Variants in CILP2 observed in about 807,000 individuals in gnomAD.
CILP2 encodes the protein CILP-2.
CILP2 carries 38 observed loss-of-function variants against 45.6 expected under a neutral mutation model. The ratio of observed to expected loss-of-function variants is 0.83; its 90% confidence interval spans 0.64 to 1.09. CILP2 has a LOEUF of 1.09. CILP2 is among the 50% of genes least tolerant of loss of function. The probability of loss-of-function intolerance (pLI) is 0.00; values close to 1 mark genes in which losing one functional copy is unlikely to be tolerated. For missense variants in CILP2, 1,735 were observed against 1,662.2 expected (o/e 1.04, Z -0.76); for synonymous variants, 780 against 723.5 (o/e 1.08, Z -1.25).
In CILP2 at chr19:19,544,357, G is replaced by A. The variant is rs368595474; in HGVS notation, c.1812G>A (p.Glu604=). The A allele has an allele frequency of 4.5e-5, 72 of 1,610,336 alleles. No individual in the cohort carries two copies. Among genetic ancestry groups the A allele is most frequent in the Middle Eastern group, 3.3e-4 (2 of 6,080 alleles). Residue 604 remains glutamate (E), a synonymous_variant, in exon 8 of 8, where the codon GAG becomes GAA. Coordinates refer to ENST00000291495, the MANE Select transcript of CILP2 (RefSeq NM_153221.2). ...GCAAACCCTACTCGGGGCCTGTGGA[G>A]GCCCGGGTGACGTTCGTGGACCCCC... The part of the protein sequence containing the change: ...ADGKPYSGPV[E]ARVTFVDPRD...
chr19:19,545,873 G>A lies in CILP2; in HGVS notation c.3328G>A (p.Gly1110Arg), dbSNP rs2061263831. The A allele has an allele frequency of 5.7e-6, 9 of 1,587,624 alleles. No individual in the cohort carries two copies. The highest frequency in any genetic ancestry group is 4.5e-5 in the East Asian group (2 of 44,194). The change falls in exon 8 of 8, where the codon GGA (glycine) becomes AGA (arginine). Residue 1110 changes from glycine to arginine, a missense_variant. Transcript: ENST00000291495. ...VTFQCREPPA[G>R]RPSLFQRLLE... Reference sequence around the variant, plus strand: ...CTTCCAGTGCCGGGAGCCACCGGCCGGACGACCCAGCCTCTTCCAGAGGCT... The same window carrying A: ...CTTCCAGTGCCGGGAGCCACCGGCCAGACGACCCAGCCTCTTCCAGAGGCT...
intron 6 of CILP2, 59 bp from the exon 7 acceptor site, chr19:19,543,189 A>T: frequency 6.5e-7 from 1 of 1,540,022 alleles, no homozygotes; most frequent in Non-Finnish European, 8.9e-7. Flanking sequence ...CAGCCTGCAG[A>T]CTGGGGGCAA....
At position 19,541,028 on chromosome 19, in the gene CILP2, G is replaced by T. The variant is rs1380721909; in HGVS notation, c.437-63G>T. On this transcript the variant is annotated intron_variant, in intron 3 of 7. Coordinates refer to ENST00000291495, the MANE Select transcript of CILP2 (RefSeq NM_153221.2). ...GGGAAGAAGGGTCCTTTAGTCCCAG[G>T]TTACCCGGAGGCGCAGTTCCTGGGG... 4 of 1,230,584 alleles carry T rather than the reference G, an allele frequency of 3.3e-6. No homozygotes were observed. The African/African-American group carries it at 6.2e-5, about 19-fold the overall frequency. The allele number at this position is 1,230,584 out of a possible 1,614,324, so 76.2% of individuals were successfully genotyped here. A position where few individuals can be genotyped will look rare whatever the true frequency, so the allele number is the denominator to read the frequency against.
At position 19,545,907 on chromosome 19, in the gene CILP2, C is replaced by A. The variant is rs764376417; in HGVS notation, c.3362C>A (p.Ser1121Tyr). ...AGCCTCTTCCAGAGGCTGCTGGAGT[C>A]CCCGGCGACAGCACTTGGTGACATC... ...RPSLFQRLLESPATALGDIRR... is the reference protein window; with the variant it reads ...RPSLFQRLLEYPATALGDIRR... The change falls in exon 8 of 8, where the codon TCC becomes TAC. Residue 1121 changes from serine (S) to tyrosine (Y), a missense_variant. Physicochemically the swap from Ser to Tyr is moderately radical, Grantham distance 144. Transcript: ENST00000291495. 17 of 1,581,538 alleles carry A rather than the reference C, an allele frequency of 1.1e-5. No homozygotes were observed. In the South Asian group the frequency reaches 1.8e-4, roughly 17 times the overall value.
rs756830121 is a variant in CILP2 at position 19,544,795 on chromosome 19, C to G, written c.2250C>G (p.Thr750=). 6.2e-7 allele frequency: 1 copy of G among 1,605,744 alleles called. No individual in the cohort carries two copies. The highest frequency in any genetic ancestry group is 1.7e-5 in the Admixed American group (1 of 59,982). ...GCGCCTACGCCAACGACAAGTTCAC[C>G]CCCAGCGAGCAGGTGGAGGGCGTGG... ...KVRAYANDKF[T]PSEQVEGVVV... The change falls in exon 8 of 8, where the codon ACC becomes ACG. Residue 750 remains threonine, a synonymous_variant. Transcript: ENST00000291495.
chr19:19,545,271 A>G lies in CILP2; in HGVS notation c.2726A>G (p.Tyr909Cys). ...AGGGTGGAGGCGGACAAGTACGAGT[A>G]CAACGTGGTCCCCTTCCGAGAGGGC... Reference protein sequence around the residue: ...FARVEADKYEYNVVPFREGTP... With the variant: ...FARVEADKYECNVVPFREGTP... Residue 909 changes from tyrosine to cysteine, a missense_variant, in exon 8 of 8, where the codon TAC becomes TGC. By Grantham distance (194) the Tyr-to-Cys change is radical (BLOSUM62 -2). Transcript: ENST00000291495. 6.2e-7 allele frequency: 1 copy of G among 1,612,904 alleles called. No homozygotes were observed. The highest frequency in any genetic ancestry group is 8.5e-7 in the Non-Finnish European group (1 of 1,179,906).
intron 2 of CILP2, 113 bp downstream of exon 2, chr19:19,539,890 C>T (rs1186698262): frequency 4.7e-6 from 4 of 857,118 alleles, no homozygotes; most frequent in East Asian, 6.2e-5. Flanking sequence ...GGCCCGGCGC[C>T]GTCCTGGTCC....
chr19:19,545,773 C>T lies in CILP2; in HGVS notation c.3228C>T (p.Ala1076=), dbSNP rs1232534516. The change falls in exon 8 of 8, where the codon GCC becomes GCT. Residue 1076 remains alanine (A), a synonymous_variant. Coordinates refer to ENST00000291495, the MANE Select transcript of CILP2 (RefSeq NM_153221.2). The part of the protein sequence containing the change: ...DQSPRLAKEI[A]IGRCFDGSSD... ...GCCCACGCTTGGCCAAGGAGATCGC[C>T]ATTGGCCGCTGCTTTGATGGTTCCT... The T allele has an allele frequency of 5.0e-6, 8 of 1,606,980 alleles. No individual in the cohort carries two copies. The highest frequency in any genetic ancestry group is 6.8e-6 in the Non-Finnish European group (8 of 1,176,010).
At position 19,542,915 on chromosome 19, in the gene CILP2, A is replaced by G; in HGVS notation, c.920A>G (p.Gln307Arg). 1 of 1,614,138 alleles carries G rather than the reference A, an allele frequency of 6.2e-7. No homozygotes were observed. Residue 307 changes from glutamine to arginine, a missense_variant, in exon 6 of 8, where the codon CAG becomes CGG. Physicochemically the swap from Gln to Arg is conservative, Grantham distance 43. Transcript: ENST00000291495. ...HPESRVREAG[Q>R]NVTFCCKASG... ...GAGTCCCGAGTGCGAGAGGCTGGCC[A>G]GAATGTGACTTTCTGCTGCAAAGCC...
At chr19:19,538,502 A>C in intron 1 of CILP2, 89 bp downstream of exon 1, 1 of 1,046,130 alleles carries the variant, frequency 9.6e-7, no homozygotes, top group Non-Finnish European at 1.3e-6. Flanking sequence ...CGGGGAGAGA[A>C]CCCAGGGACC....
chr19:19,539,774 G>C lies in CILP2; in HGVS notation c.160G>C (p.Glu54Gln), dbSNP rs1270574181. 2 of 1,587,654 alleles carry C rather than the reference G, an allele frequency of 1.3e-6. No individual in the cohort carries two copies. The highest frequency in any genetic ancestry group is 4.6e-5 in the East Asian group (2 of 43,192). ...GCCCTCACCAGCCCTGGAGGACTGG[G>C]AAGGTGAGTTAGCCTGCCTCGGAGT... is the stretch of plus-strand genomic sequence containing the variant. The part of the protein sequence containing the change: ...GQPSPALEDW[E>Q]EASEWTSWFN... Residue 54 changes from glutamate to glutamine, a missense_variant, in exon 2 of 8, where the codon GAA (glutamate) becomes CAA (glutamine). Physicochemically the swap from Glu to Gln is conservative, Grantham distance 29. Coordinates refer to ENST00000291495, the MANE Select transcript of CILP2 (RefSeq NM_153221.2).
Position 19,542,444 on chromosome 19 carries a change from AACC to A in CILP2, c.665_667del (p.Pro222del), listed in dbSNP as rs1272361721. On this transcript the variant is annotated inframe_deletion, in exon 5 of 8. Coordinates refer to ENST00000291495, the MANE Select transcript of CILP2 (RefSeq NM_153221.2). ...GGCTCGGTGGTCACCCCATCTGGGCAACCACTGCTAGGAGCCAGGGTCTCCCTG... is the reference window on the plus strand; with the variant it reads ...GGCTCGGTGGTCACCCCATCTGGGCAACTGCTAGGAGCCAGGGTCTCCCTG... The A allele has an allele frequency of 6.2e-7, 1 of 1,612,400 alleles. No individual in the cohort carries two copies. Among genetic ancestry groups the A allele is most frequent in the East Asian group, 2.2e-5 (1 of 44,876 alleles).
intron 1 of CILP2, among the ~76,000 whole-genome samples, chr19:19,538,868 G>A (rs2061232323): frequency 6.6e-6 from 1 of 152,224 alleles, no homozygotes; most frequent in Non-Finnish European, 1.5e-5. Context: ...CACTCTGCTG[G>A]GAGTATCTTG....
Position 19,538,345 on chromosome 19 carries a change from C to G in CILP2, c.-5C>G, listed in dbSNP as rs758811854. The G allele has an allele frequency of 1.9e-6, 3 of 1,578,626 alleles. No individual in the cohort carries two copies. Among genetic ancestry groups the G allele is most frequent in the Non-Finnish European group, 2.6e-6 (3 of 1,170,814 alleles). ...GGACCCTCCCTCGGACGCTCTGCCC[C>G]GGCCATGGCGTCGCTGCTGCCACTG... On this transcript the variant is annotated 5_prime_UTR_variant, in exon 1 of 8. Coordinates refer to ENST00000291495, the MANE Select transcript of CILP2 (RefSeq NM_153221.2).
At chr19:19,539,091 G>A (rs372173533) in intron 1 of CILP2, among the ~76,000 whole-genome samples, 1 of 152,298 alleles carries the variant, frequency 6.6e-6, no homozygotes, top group South Asian at 2.1e-4. Context: ...TAGCCTAGGG[G>A]AACTGGGTGG....
chr19:19,546,245 C>CCAG lies in CILP2; in HGVS notation c.*232_*234dup. ...AATGGAGTTTGCGGTGACTCTGGGG[C>CCAG]CAGCACCCAGGGGACGACGTTCAAC... On this transcript the variant is annotated 3_prime_UTR_variant, in exon 8 of 8. Transcript: ENST00000291495. 1 of 393,626 alleles carries CCAG rather than the reference C, an allele frequency of 2.5e-6. No homozygotes were observed. The highest frequency in any genetic ancestry group is 4.5e-6 in the Non-Finnish European group (1 of 222,636). The allele number at this position is 393,626 out of a possible 1,614,324, so 24.4% of individuals were successfully genotyped here.
Position 19,542,458 on chromosome 19 carries a change from G to A in CILP2, c.676G>A (p.Ala226Thr). 6.2e-7 allele frequency: 1 copy of A among 1,613,000 alleles called. No homozygotes were observed. The highest frequency in any genetic ancestry group is 8.5e-7 in the Non-Finnish European group (1 of 1,180,012). ...CCCATCTGGGCAACCACTGCTAGGA[G>A]CCAGGGTCTCCCTGCGAGACCAGCC... ...VTPSGQPLLG[A>T]RVSLRDQPGT... Residue 226 changes from alanine to threonine, a missense_variant, in exon 5 of 8, where the codon GCC becomes ACC. Ala to Thr is a moderately conservative substitution (Grantham distance 58). Transcript: ENST00000291495.
At chr19:19,542,288 T>A in intron 4 of CILP2, 87 bp from the exon 5 acceptor site, 1 of 1,482,060 alleles carries the variant, frequency 6.7e-7, no homozygotes, top group Non-Finnish European at 9.0e-7. Context: ...CCAGGCATAT[T>A]TGTTGAGTGA....
In CILP2 at chr19:19,544,783, C is replaced by A; in HGVS notation, c.2238C>A (p.Asn746Lys). Residue 746 changes from asparagine (N) to lysine (K), a missense_variant, in exon 8 of 8, where the codon AAC (asparagine) becomes AAA (lysine). Physicochemically the swap from Asn to Lys is moderately conservative, Grantham distance 94. Transcript: ENST00000291495. Reference protein sequence around the residue: ...RCFVKVRAYANDKFTPSEQVE... With the variant: ...RCFVKVRAYAKDKFTPSEQVE... ...TCGTGAAGGTGCGCGCCTACGCCAA[C>A]GACAAGTTCACCCCCAGCGAGCAGG... 6.2e-7 allele frequency: 1 copy of A among 1,606,634 alleles called. No individual in the cohort carries two copies. Among genetic ancestry groups the A allele is most frequent in the African/African-American group, 1.3e-5 (1 of 75,050 alleles).
Sources: allele counts gnomAD v4.1 joint callset (sites outside exome capture counted in the v4.1 genomes callset), GRCh38; gene constraint gnomAD v4.1.1; transcripts MANE v1.5; gene names NCBI Gene and HGNC (gene_info 2026-07-23, HGNC 2026-07-21).